Variants in TCFL5 observed in about 807,000 individuals in gnomAD.
TCFL5 encodes the protein transcription factor like 5, also known as transcription factor-like 5 protein.
Under a neutral mutation model 44.3 loss-of-function variants are expected in TCFL5, and 9 were observed. The ratio of observed to expected loss-of-function variants is 0.20; its 90% CI spans 0.12 to 0.35. The LOEUF (loss-of-function observed/expected upper bound fraction) is 0.35, where lower values mean the gene tolerates loss of function less well. Ranked by LOEUF, TCFL5 falls within the 10% of genes least tolerant of loss-of-function variation. The pLI is 1.00. For missense variants in TCFL5, 603 were observed against 613.4 expected (o/e 0.98, Z 0.18); for synonymous variants, 319 against 271.6 (o/e 1.17, Z -1.72).
chr20:62,854,541 T>C (rs1444770811), intron 4 of TCFL5, among the ~76,000 whole-genome samples: 1 of 152,216 alleles, frequency 6.6e-6, no homozygotes, highest in Non-Finnish European at 1.5e-5. Flanking sequence ...GGGGTCCAAA[T>C]TGGGCAGATA....
At chr20:62,858,498 A>G (rs2063930919) in intron 3 of TCFL5, among the ~76,000 whole-genome samples, 1 of 152,262 alleles carries the variant, frequency 6.6e-6, no homozygotes, top group South Asian at 2.1e-4. Context: ...AGGGAGGAAA[A>G]GGAAGGACTG....
rs1013997639 is a variant in TCFL5, at chr20:62,842,185, CTAAG to C, written c.1381-92_1381-89del. The stretch of plus-strand genomic sequence containing the variant: ...AAGTGCAAAAGGTTCAAATTAAGAG[CTAAG>C]TAAATGACTTTAGAATACGCTGTTT... On this transcript the variant is annotated intron_variant, in intron 5 of 5. Coordinates refer to ENST00000335351, the MANE Select transcript of TCFL5 (RefSeq NM_006602.4). This position sits in a 1 kb window ranked among gnomAD's most constrained non-coding sequence, Gnocchi z 4.3. The C allele has an allele frequency of 1.2e-5, 18 of 1,544,566 alleles. No homozygotes were observed. Among genetic ancestry groups the C allele is most frequent in the East Asian group, 2.3e-5 (1 of 44,020 alleles).
At chr20:62,858,581 T>C (rs1044086597) in intron 3 of TCFL5, among the ~76,000 whole-genome samples, 4 of 151,992 alleles carry the variant, frequency 2.6e-5, no homozygotes, top group African/African-American at 9.7e-5. Flanking sequence ...GTGTAAGGAG[T>C]GTTCTTTTTT....
At chr20:62,849,009 A>G (rs2063776956) in intron 5 of TCFL5, among the ~76,000 whole-genome samples, 1 of 152,118 alleles carries the variant, frequency 6.6e-6, no homozygotes, top group Non-Finnish European at 1.5e-5. Flanking sequence ...CTCTACTAAA[A>G]ATACAAAAAT....
At chr20:62,846,766 G>GA (rs11448528) in intron 5 of TCFL5, among the ~76,000 whole-genome samples, 34,847 of 128,778 alleles carry the variant, frequency 0.27, 4,554 homozygotes, top group Middle Eastern at 0.39. Flanking sequence ...CCCTCGCTGG[G>GA]AAAAAAAAAA....
At chr20:62,845,206 T>C in intron 5 of TCFL5, 5 of 931,086 alleles carry the variant, frequency 5.4e-6, no homozygotes, top group Non-Finnish European at 6.4e-6. Context: ...ACTGCAACCT[T>C]TGCCTCCTGG....
rs1049528206 is a variant in TCFL5, at chr20:62,841,610, A to C, written c.*365T>G. Reference sequence around the variant, plus strand: ...ATATTTAAAAGGTAAATAAGTAAAAAGCCGTGTACTTTTTAAGATTAAAGA... The same window carrying C: ...ATATTTAAAAGGTAAATAAGTAAAACGCCGTGTACTTTTTAAGATTAAAGA... On this transcript the variant is annotated 3_prime_UTR_variant, in exon 6 of 6. Transcript: ENST00000335351. 6.2e-6 allele frequency: 1 copy of C among 160,846 alleles called. No individual in the cohort carries two copies. The highest frequency in any genetic ancestry group is 1.8e-4 in the East Asian group (1 of 5,566). The allele number at this position is 160,846 out of a possible 1,614,324, so 10.0% of individuals were successfully genotyped here.
intron 3 of TCFL5, 127 bp from the exon 4 acceptor site, chr20:62,857,765 C>T (rs901179726): frequency 8.6e-7 from 1 of 1,160,048 alleles, no homozygotes; most frequent in Non-Finnish European, 1.2e-6. Context: ...AGAACCGAAA[C>T]ACAAAGAGAT....
chr20:62,854,731 T>G (rs1309803179), intron 4 of TCFL5, among the ~76,000 whole-genome samples: 10 of 152,364 alleles, frequency 6.6e-5, no homozygotes. Flanking sequence ...TATTAGACTA[T>G]TTTTTAAACT....
rs1321787649 is a variant in TCFL5, at chr20:62,861,329, C to T, written c.342G>A (p.Leu114=). ...GGCCCAGGCAGGGCGCGTCGGCCGCCAGCGCGGACGGGCACAGCACGGGGT... is the reference window on the plus strand; with the variant it reads ...GGCCCAGGCAGGGCGCGTCGGCCGCTAGCGCGGACGGGCACAGCACGGGGT... The part of the protein sequence containing the change: ...PVYPVLCPSA[L]AADAPCLGHI... Residue 114 remains leucine, a synonymous_variant, in exon 1 of 6, where the codon CTG becomes CTA. Coordinates refer to ENST00000335351, the MANE Select transcript of TCFL5 (RefSeq NM_006602.4). The surrounding 1 kb of genome is among the most constrained non-coding windows in gnomAD (Gnocchi z 4.0). 4.4e-6 allele frequency: 5 copies of T among 1,144,638 alleles called. No homozygotes were observed. Among genetic ancestry groups the T allele is most frequent in the Non-Finnish European group, 5.4e-6 (5 of 921,456 alleles). 70.9% of individuals were successfully genotyped at this position (1,144,638 alleles called of 1,614,324 possible). A position where few individuals can be genotyped will look rare whatever the true frequency, so the allele number is the denominator to read the frequency against.
rs1170514938 is a variant in TCFL5, at chr20:62,860,302, T to C, written c.654A>G (p.Val218=). ...GTTCAGATGGATGTCGAATGAGAGTTACCAAACTGCCAAGACAAAAGAAAG... is the reference window on the plus strand; with the variant it reads ...GTTCAGATGGATGTCGAATGAGAGTCACCAAACTGCCAAGACAAAAGAAAG... ...PEPGGALNNL[V]TLIRHPSELM... is the part of the protein sequence containing the mutation. Residue 218 remains valine (V), a synonymous_variant, in exon 2 of 6, where the codon GTA becomes GTG. Coordinates refer to ENST00000335351, the MANE Select transcript of TCFL5 (RefSeq NM_006602.4). The C allele has an allele frequency of 6.2e-7, 1 of 1,604,944 alleles. No homozygotes were observed. Among genetic ancestry groups the C allele is most frequent in the Non-Finnish European group, 8.5e-7 (1 of 1,172,200 alleles).
At position 62,841,968 on chromosome 20, in the gene TCFL5, A is replaced by C; in HGVS notation, c.*7T>G. ...GTTCACCCCCCGAGGATTCCTGTTC[A>C]GTCCGATCACTTGATCTCCATCGAG... is the stretch of plus-strand genomic sequence containing the variant. On this transcript the variant is annotated 3_prime_UTR_variant, in exon 6 of 6. Coordinates refer to ENST00000335351, the MANE Select transcript of TCFL5 (RefSeq NM_006602.4). 6.2e-7 allele frequency: 1 copy of C among 1,613,992 alleles called. No homozygotes were observed. The highest frequency in any genetic ancestry group is 8.5e-7 in the Non-Finnish European group (1 of 1,180,000).
chr20:62,851,786 T>A (rs2063813453), intron 5 of TCFL5: 1 of 985,270 alleles, frequency 1.0e-6, no homozygotes, highest in Non-Finnish European at 1.2e-6. Flanking sequence ...CGGGGACCTC[T>A]CTCTAGCCCC....
At chr20:62,851,490 T>C in intron 5 of TCFL5, 1 of 981,348 alleles carries the variant, frequency 1.0e-6, no homozygotes, top group Non-Finnish European at 1.2e-6. Context: ...CATTAAAGCA[T>C]TTTTTAAAAC....
At chr20:62,846,059 G>A in intron 5 of TCFL5, 1 of 1,336,232 alleles carries the variant, frequency 7.5e-7, no homozygotes, top group Non-Finnish European at 9.9e-7. Flanking sequence ...ATCAACTGCT[G>A]ATTTCATCTT....
chr20:62,857,657 AAG>A lies in TCFL5; in HGVS notation c.995-21_995-20del, dbSNP rs773553973. 6.2e-7 allele frequency: 1 copy of A among 1,605,582 alleles called. No homozygotes were observed. ...GCTGCTTCTTTGCGAAAGAAGAAAA[AAG>A]TGGTTTTTAATTTTGTATTCTTATC... On this transcript the variant is annotated intron_variant, in intron 3 of 5. Coordinates refer to ENST00000335351, the MANE Select transcript of TCFL5 (RefSeq NM_006602.4).
chr20:62,845,020 C>T (rs2063723388), intron 5 of TCFL5: 1 of 986,062 alleles, frequency 1.0e-6, no homozygotes, highest in Non-Finnish European at 1.2e-6. Flanking sequence ...ACATTCCACC[C>T]ATCCACTTTT....
At chr20:62,852,108 G>A (rs2063817758) in intron 5 of TCFL5, 1 of 985,338 alleles carries the variant, frequency 1.0e-6, no homozygotes, top group African/African-American at 1.7e-5. Context: ...CCAGGCCTGG[G>A]AGCCCTTCTT....
In TCFL5 at chr20:62,842,618, T is replaced by C. The variant is rs1340888235; in HGVS notation, c.1381-521A>G. On this transcript the variant is annotated intron_variant, in intron 5 of 5. Transcript: ENST00000335351. The surrounding 1 kb of genome is among the most constrained non-coding windows in gnomAD (Gnocchi z 4.3). ...CTCTACTAAAAATACAAAAATTAGC[T>C]GGGCGTGGTGGCAAGCATCTTGTGA... Among the ~76,000 whole-genome samples, 3 of 152,090 alleles carry C rather than the reference T, an allele frequency of 2.0e-5. No homozygotes were observed. Among genetic ancestry groups the C allele is most frequent in the African/African-American group, 7.2e-5 (3 of 41,400 alleles).
Sources: allele counts gnomAD v4.1 joint callset (sites outside exome capture counted in the v4.1 genomes callset), GRCh38; gene constraint gnomAD v4.1.1; non-coding constraint Gnocchi (gnomAD v3.1); transcripts MANE v1.5; gene names NCBI Gene and HGNC (gene_info 2026-07-23, HGNC 2026-07-21).